The following RNGTT variants were observed in gnomAD, a reference collection of about 807,000 sequenced individuals.
The protein encoded by RNGTT is RNA guanylyltransferase and 5'-phosphatase, also known as mRNA-capping enzyme.
In RNGTT, 33 loss-of-function variants were observed where a neutral mutation model predicts 79.3. The observed-to-expected ratio is 0.42, with a 90% confidence interval of 0.32 to 0.56. RNGTT has a LOEUF of 0.56. Ranked by LOEUF, RNGTT falls within the 20% of genes least tolerant of loss-of-function variation. The pLI is 0.17. For synonymous variants in RNGTT, 222 were observed against 235.9 expected (o/e 0.94, Z 0.54); for missense variants, 497 against 739.1 (o/e 0.67, Z 3.80).
chr6:88,646,679 T>C (rs1773574858), intron 14 of RNGTT, among the ~76,000 whole-genome samples: 1 of 152,184 alleles, frequency 6.6e-6, no homozygotes, highest in African/African-American at 2.4e-5. Flanking sequence ...AATGATGAGT[T>C]CATGTCCTTT....
chr6:88,699,675 CA>C (rs1243678510), intron 13 of RNGTT, among the ~76,000 whole-genome samples: 3 of 151,982 alleles, frequency 2.0e-5, no homozygotes, highest in Admixed American at 1.3e-4. Context: ...AACAAACAAA[CA>C]AAAAAACACA....
rs1428819957 is a variant in RNGTT at position 88,610,426 on chromosome 6, CAT to C, written c.*2291_*2292del. On this transcript the variant is annotated 3_prime_UTR_variant, in exon 16 of 16. Transcript: ENST00000369485. ...TCCTAACAAAAAGCAAAAGCTTTCA[CAT>C]GTGATAACTGAAGAAAGCAAAGTTT... is the stretch of plus-strand genomic sequence containing the variant. The C allele has an allele frequency of 1.3e-5, 2 of 152,566 alleles. No individual in the cohort carries two copies. The highest frequency in any genetic ancestry group is 4.8e-5 in the African/African-American group (2 of 41,452). The allele number at this position is 152,566 out of a possible 1,614,324, so 9.5% of individuals were successfully genotyped here.
chr6:88,637,942 C>A (rs1012735077), intron 14 of RNGTT, among the ~76,000 whole-genome samples: 13 of 152,018 alleles, frequency 8.6e-5, no homozygotes, highest in African/African-American at 2.7e-4. Flanking sequence ...CAAGGCATAC[C>A]CACTACTACT....
intron 1 of RNGTT, among the ~76,000 whole-genome samples, chr6:88,950,675 C>A (rs1412752389): frequency 6.6e-6 from 1 of 151,978 alleles, no homozygotes; most frequent in East Asian, 1.9e-4. Flanking sequence ...AGAAGTGGAG[C>A]CTGAAAGTTA....
intron 10 of RNGTT, among the ~76,000 whole-genome samples, chr6:88,845,242 C>G (rs1781447347): frequency 6.6e-6 from 1 of 152,054 alleles, no homozygotes; most frequent in Non-Finnish European, 1.5e-5. Context: ...ATCAAATACA[C>G]CCTCAACTCT....
chr6:88,633,447 T>C (rs148847498), intron 14 of RNGTT, among the ~76,000 whole-genome samples: 95 of 152,282 alleles, frequency 6.2e-4, no homozygotes, highest in African/African-American at 1.9e-3. Context: ...CCAGGATCAC[T>C]TTCTCTGGAA....
intron 11 of RNGTT, among the ~76,000 whole-genome samples, chr6:88,820,792 C>T (rs954425745): frequency 1.3e-4 from 19 of 151,994 alleles, no homozygotes; most frequent in African/African-American, 3.4e-4. Flanking sequence ...AGAATTCCAA[C>T]GAAAGAAACC....
chr6:88,864,495 C>T (rs1782108501), intron 8 of RNGTT, among the ~76,000 whole-genome samples: 1 of 152,068 alleles, frequency 6.6e-6, no homozygotes, highest in African/African-American at 2.4e-5. Context: ...TTATATGGCA[C>T]TCTACTATAG....
At chr6:88,674,606 T>G (rs757969504) in intron 14 of RNGTT, among the ~76,000 whole-genome samples, 6 of 152,118 alleles carry the variant, frequency 3.9e-5, no homozygotes, top group African/African-American at 7.2e-5. Flanking sequence ...TCTTGCATAT[T>G]CTATTTAGCC....
intron 4 of RNGTT, among the ~76,000 whole-genome samples, chr6:88,922,405 T>A (rs1011657841): frequency 1.3e-5 from 2 of 152,114 alleles, no homozygotes; most frequent in African/African-American, 2.4e-5. Context: ...TCAATACACA[T>A]CTCTAATAAG....
At chr6:88,958,227 G>A (rs568314658) in intron 1 of RNGTT, among the ~76,000 whole-genome samples, 1 of 152,152 alleles carries the variant, frequency 6.6e-6, no homozygotes, top group Non-Finnish European at 1.5e-5. Flanking sequence ...ACTGGAGATG[G>A]ATCAACTCAA....
intron 12 of RNGTT, among the ~76,000 whole-genome samples, chr6:88,776,106 C>T (rs1203374897): frequency 2.0e-5 from 3 of 152,080 alleles, no homozygotes; most frequent in Non-Finnish European, 4.4e-5. Context: ...GTTTGAGGAG[C>T]CTCCATACTG....
chr6:88,659,789 G>T (rs904323428), intron 14 of RNGTT, among the ~76,000 whole-genome samples: 1 of 152,100 alleles, frequency 6.6e-6, no homozygotes, highest in Non-Finnish European at 1.5e-5. Context: ...TCCAAATACA[G>T]GACGCTCAAA....
chr6:88,738,485 T>C (rs1323930767), intron 13 of RNGTT, among the ~76,000 whole-genome samples: 1 of 151,818 alleles, frequency 6.6e-6, no homozygotes, highest in African/African-American at 2.4e-5. Context: ...CTCTACCAAA[T>C]AATACAAAAA....
In RNGTT at chr6:88,648,864, C is replaced by A. The variant is rs192005244; in HGVS notation, c.1506+29489G>T. Among the ~76,000 whole-genome samples, 290 of 152,230 alleles carry A rather than the reference C, an allele frequency of 1.9e-3. 4 individuals are homozygous for A. The highest frequency in any genetic ancestry group is 6.8e-3 in the African/African-American group (284 of 41,538). ...GTGTTATAATTACCTTTTTACAGAG[C>A]GATTTCTTTGTAAATCAGCTATGAG... On this transcript the variant is annotated intron_variant, in intron 14 of 15. Transcript: ENST00000369485.
At chr6:88,753,121 T>C (rs529234967) in intron 13 of RNGTT, among the ~76,000 whole-genome samples, 25 of 152,310 alleles carry the variant, frequency 1.6e-4, no homozygotes, top group Non-Finnish European at 4.4e-5. Flanking sequence ...AAGGTAATTA[T>C]ATATTTTTGC....
chr6:88,670,149 A>C (rs1774577662), intron 14 of RNGTT, among the ~76,000 whole-genome samples: 1 of 152,256 alleles, frequency 6.6e-6, no homozygotes, highest in South Asian at 2.1e-4. Context: ...TAGATGACCA[A>C]GGCCAAGTAG....
chr6:88,904,399 A>C (rs6914897), intron 6 of RNGTT, among the ~76,000 whole-genome samples: 14,726 of 151,972 alleles, frequency 0.097, 1,645 homozygotes, highest in African/African-American at 0.27. Flanking sequence ...CAAAGTGAGA[A>C]CCTTCTCTAC....
chr6:88,727,843 C>T (rs1168403306), intron 13 of RNGTT, among the ~76,000 whole-genome samples: 1 of 152,138 alleles, frequency 6.6e-6, no homozygotes, highest in Non-Finnish European at 1.5e-5. Flanking sequence ...GTTTATCTGC[C>T]ACTTGGCCTT....
Sources: gnomAD v4.1 joint callset for allele counts (sites outside exome capture counted in the v4.1 genomes callset) on GRCh38, gnomAD v4.1.1 for gene constraint, MANE v1.5 for transcripts, NCBI Gene and HGNC (gene_info 2026-07-23, HGNC 2026-07-21) for gene names.